The following CYFIP2 variants were observed in gnomAD, a reference collection of about 807,000 sequenced individuals.
The protein encoded by CYFIP2 is cytoplasmic FMR1 interacting protein 2.
Under a neutral mutation model 158.7 loss-of-function variants are expected in CYFIP2, and 29 were observed. That is an observed-to-expected ratio of 0.18 (90% CI 0.14 to 0.25). CYFIP2 has a LOEUF of 0.25. Among genes scored for constraint, CYFIP2 ranks in the 10% least tolerant of loss-of-function variants. The pLI is 1.00. For synonymous variants in CYFIP2, 585 were observed against 617.6 expected, an observed-to-expected ratio of 0.95 and a Z score of 0.78; for missense variants, 852 against 1,639.5, an observed-to-expected ratio of 0.52 and a Z score of 8.29.
chr5:157,386,494 G>A (rs1477827290), intron 28 of CYFIP2, among the ~76,000 whole-genome samples: 1 of 152,158 alleles, frequency 6.6e-6, no homozygotes, highest in African/African-American at 2.4e-5. Context: ...GATGCACACG[G>A]ATCAACTTTC....
intron 26 of CYFIP2, among the ~76,000 whole-genome samples, chr5:157,367,491 C>T (rs1181721787): frequency 6.6e-6 from 1 of 152,158 alleles, no homozygotes; most frequent in African/African-American, 2.4e-5. Context: ...GGATGAAAAC[C>T]AGATGTGCCT....
intron 13 of CYFIP2, among the ~76,000 whole-genome samples, chr5:157,318,966 A>G (rs1285304872): frequency 1.3e-5 from 2 of 152,192 alleles, no homozygotes; most frequent in East Asian, 1.9e-4. Context: ...TATGCCTCCT[A>G]CATCTCATTA....
chr5:157,299,668 A>G (rs1456364079), intron 5 of CYFIP2, among the ~76,000 whole-genome samples: 1 of 152,230 alleles, frequency 6.6e-6, no homozygotes, highest in African/African-American at 2.4e-5. Flanking sequence ...TGGGAGGCCA[A>G]GGCAGGCAGA....
intron 22 of CYFIP2, among the ~76,000 whole-genome samples, chr5:157,339,879 A>G (rs955885086): frequency 6.6e-6 from 1 of 152,256 alleles, no homozygotes; most frequent in African/African-American, 2.4e-5. Context: ...CGGGTGGGAA[A>G]TGGTGCTGTG....
At chr5:157,329,445 G>A (rs964519854) in intron 19 of CYFIP2, among the ~76,000 whole-genome samples, 1 of 152,208 alleles carries the variant, frequency 6.6e-6, no homozygotes, top group African/African-American at 2.4e-5. Flanking sequence ...ATTTTTTAAA[G>A]TGTGGGAAGT....
At chr5:157,296,818 C>T in intron 5 of CYFIP2, 44 bp downstream of exon 5, 4 of 1,509,130 alleles carry the variant, frequency 2.7e-6, no homozygotes, top group Non-Finnish European at 3.7e-6. Context: ...ACTGAAAAGG[C>T]CCCTAGTTTT....
intron 28 of CYFIP2, among the ~76,000 whole-genome samples, chr5:157,386,953 G>T (rs894102587): frequency 6.6e-6 from 1 of 150,918 alleles, no homozygotes; most frequent in Non-Finnish European, 1.5e-5. Context: ...AAAAAGGATG[G>T]TGTCTTTAGA....
chr5:157,360,683 C>T (rs1763748001), intron 25 of CYFIP2, among the ~76,000 whole-genome samples: 2 of 152,188 alleles, frequency 1.3e-5, no homozygotes, highest in African/African-American at 4.8e-5. Flanking sequence ...GAGCTCAGCA[C>T]CTCCAGGAGC....
chr5:157,362,910 A>G (rs1466033643), intron 26 of CYFIP2: 1 of 152,208 alleles, frequency 6.6e-6, no homozygotes, highest in Admixed American at 6.5e-5. Flanking sequence ...TTCATTTCTT[A>G]TGATGGGGGA....
At chr5:157,269,176 G>C (rs1037577937) in intron 1 of CYFIP2, among the ~76,000 whole-genome samples, 5 of 151,910 alleles carry the variant, frequency 3.3e-5, no homozygotes, top group African/African-American at 1.2e-4. Context: ...CAAGTTTACC[G>C]GCCGAAGGAA....
chr5:157,274,613 G>A (rs962644158), intron 1 of CYFIP2, among the ~76,000 whole-genome samples: 1 of 152,112 alleles, frequency 6.6e-6, no homozygotes, highest in Admixed American at 6.6e-5. Flanking sequence ...TGGGTCAAAT[G>A]GTAACTGTGT....
intron 26 of CYFIP2, chr5:157,364,204 C>CT (rs1286074420): frequency 5.2e-5 from 2 of 38,306 alleles, no homozygotes; most frequent in African/African-American, 2.0e-4. Flanking sequence ...GGCGGGGTGG[C>CT]GGGGGGGGGT....
chr5:157,352,144 A>G (rs1295950825), intron 23 of CYFIP2, among the ~76,000 whole-genome samples: 1 of 152,252 alleles, frequency 6.6e-6, no homozygotes, highest in East Asian at 1.9e-4. Flanking sequence ...AGATTGCGGC[A>G]TAAAGCATTC....
chr5:157,273,961 C>T (rs1756325275), intron 1 of CYFIP2, among the ~76,000 whole-genome samples: 2 of 151,848 alleles, frequency 1.3e-5, no homozygotes, highest in Non-Finnish European at 1.5e-5. Flanking sequence ...ATGGCAAAAC[C>T]CTGTCTCTAC....
At chr5:157,340,480 A>G (rs534246373) in intron 22 of CYFIP2, among the ~76,000 whole-genome samples, 5 of 152,262 alleles carry the variant, frequency 3.3e-5, no homozygotes, top group Admixed American at 6.5e-5. Flanking sequence ...TGTAAAGCCC[A>G]TGAGCTGAGA....
intron 1 of CYFIP2, chr5:157,271,664 C>T (rs1329180329): frequency 6.6e-6 from 1 of 152,206 alleles, no homozygotes; most frequent in Non-Finnish European, 1.5e-5. Context: ...GAGAGAGAAC[C>T]AAGGCTAACC....
chr5:157,344,278 T>TA (rs2113268411), intron 23 of CYFIP2, among the ~76,000 whole-genome samples: 1 of 152,330 alleles, frequency 6.6e-6, no homozygotes, highest in Non-Finnish European at 1.5e-5. Flanking sequence ...CCACTCACAG[T>TA]AAGTGGTTGC....
intron 3 of CYFIP2, among the ~76,000 whole-genome samples, chr5:157,287,983 C>T (rs566760549): frequency 1.2e-4 from 18 of 151,960 alleles, no homozygotes; most frequent in South Asian, 1.0e-3. Flanking sequence ...GTCGCAGCTA[C>T]GTGGGAGGCT....
intron 21 of CYFIP2, among the ~76,000 whole-genome samples, chr5:157,336,310 G>T (rs575520954): frequency 4.0e-4 from 61 of 152,300 alleles, no homozygotes; most frequent in South Asian, 1.5e-3. Flanking sequence ...CGGGCAGCCC[G>T]CAGGCTGTGT....
Sources: gnomAD v4.1 joint callset for allele counts (sites outside exome capture counted in the v4.1 genomes callset) on GRCh38, gnomAD v4.1.1 for gene constraint, MANE v1.5 for transcripts, NCBI Gene and HGNC (gene_info 2026-07-23, HGNC 2026-07-21) for gene names.